Variants in RUBCN observed in about 807,000 individuals in gnomAD.
RUBCN encodes rubicon autophagy regulator, also known as run domain Beclin-1-interacting and cysteine-rich domain-containing protein.
RUBCN carries 74 observed loss-of-function variants against 113.2 expected under a neutral mutation model. The observed-to-expected ratio is 0.65, with a 90% CI of 0.54 to 0.79. The LOEUF is 0.79. Among genes scored for constraint, RUBCN ranks in the 30% least tolerant of loss-of-function variants. RUBCN has a pLI of 0.00. For synonymous variants in RUBCN, 480 were observed against 490.0 expected (o/e 0.98, Z 0.27); for missense variants, 1,109 against 1,251.7 (o/e 0.89, Z 1.72).
rs1260224663 is a variant in RUBCN, at chr3:197,693,715, C to G, written c.1786G>C (p.Asp596His). 1 of 1,603,808 alleles carries G rather than the reference C, an allele frequency of 6.2e-7. No individual in the cohort carries two copies. ...CTTGTAACAAAGTGTCACTTCTTAC[C>G]TTGGATTTCAAATTCATCAACCTCA... ...ADEVDEFEIQ[D>H]ADIRRNTASS... Residue 596 changes from aspartate to histidine, a missense_variant and splice_region_variant, in exon 11 of 20, where the codon GAT becomes CAT. Physicochemically the swap from Asp to His is moderately conservative, Grantham distance 81. Transcript: ENST00000296343.
chr3:197,696,853 C>T, intron 8 of RUBCN, 101 bp downstream of exon 8: 1 of 730,920 alleles, frequency 1.4e-6, no homozygotes, highest in Non-Finnish European at 2.5e-6. Context: ...AGTGTGTACC[C>T]TCCAGAGAGC....
chr3:197,684,229 C>G lies in RUBCN; in HGVS notation c.1787-12G>C, dbSNP rs756265082. The stretch of plus-strand genomic sequence containing the variant: ...TCTGATGTCAGCATCTACATGGAAA[C>G]CAGAGATAAGGGGAGCGCAATGGAA... On this transcript the variant is annotated splice_polypyrimidine_tract_variant and intron_variant, in intron 11 of 19. Transcript: ENST00000296343. 1.2e-6 allele frequency: 2 copies of G among 1,611,988 alleles called. No individual in the cohort carries two copies. The highest frequency in any genetic ancestry group is 4.5e-5 in the East Asian group (2 of 44,858).
upstream of RUBCN, among the ~76,000 whole-genome samples, chr3:197,741,024 A>T (rs1728505603): frequency 6.6e-6 from 1 of 152,238 alleles, no homozygotes; most frequent in Non-Finnish European, 1.5e-5. Flanking sequence ...GTGGCAAAAC[A>T]TTAATTGGCG....
At chr3:197,694,035 G>C (rs1722719424) in intron 10 of RUBCN, 1 of 548,892 alleles carries the variant, frequency 1.8e-6, no homozygotes, top group Non-Finnish European at 3.2e-6. Context: ...TTTGGGAAGG[G>C]AGCTATTCCT....
intron 1 of RUBCN, among the ~76,000 whole-genome samples, chr3:197,730,033 G>A (rs1411365940): frequency 2.0e-5 from 3 of 152,228 alleles, no homozygotes; most frequent in African/African-American, 4.8e-5. Flanking sequence ...CTAGTAGCAG[G>A]GTGAGGCTAT....
rs577370517 is a variant in RUBCN at position 197,683,166 on chromosome 3, T to A, written c.1980+141A>T. On this transcript the variant is annotated intron_variant, in intron 13 of 19. Transcript: ENST00000296343. This position sits in a 1 kb window ranked among gnomAD's most constrained non-coding sequence, Gnocchi z 4.6. ...AAGCATTCACTCGTTCATTTATCACTTGACACATTGTAATGAATGGCTTCC... is the reference window on the plus strand; with the variant it reads ...AAGCATTCACTCGTTCATTTATCACATGACACATTGTAATGAATGGCTTCC... 2 of 1,079,726 alleles carry A rather than the reference T, an allele frequency of 1.9e-6. No homozygotes were observed. The highest frequency in any genetic ancestry group is 2.4e-5 in the East Asian group (1 of 42,286). 66.9% of individuals were successfully genotyped at this position (1,079,726 alleles called of 1,614,324 possible).
Position 197,696,945 on chromosome 3 carries a change from A to C in RUBCN, c.1357+9T>G, listed in dbSNP as rs376822008. 243 of 1,495,214 alleles carry C rather than the reference A, an allele frequency of 1.6e-4. No homozygotes were observed. Among genetic ancestry groups the C allele is most frequent in the Non-Finnish European group, 2.2e-4 (232 of 1,071,646 alleles). 92.6% of individuals were successfully genotyped at this position (1,495,214 alleles called of 1,614,324 possible). On this transcript the variant is annotated intron_variant, in intron 8 of 19. Transcript: ENST00000296343. ...ATACAATTTTAGCCCTGGCCTTCCT[A>C]GTACTCACCATATTCCATGTACAGA... is the stretch of plus-strand genomic sequence containing the variant.
intron 4 of RUBCN, among the ~76,000 whole-genome samples, 177 bp downstream of exon 4, chr3:197,704,365 C>T (rs1350452569): frequency 3.3e-5 from 5 of 151,998 alleles, no homozygotes; most frequent in East Asian, 1.9e-4. Context: ...ACCCAGGAGG[C>T]GGAGGTTGCA....
chr3:197,696,985 G>T lies in RUBCN; in HGVS notation c.1326C>A (p.Val442=), dbSNP rs1001381035. The T allele has an allele frequency of 1.2e-6, 2 of 1,608,512 alleles. No individual in the cohort carries two copies. The highest frequency in any genetic ancestry group is 1.7e-6 in the Non-Finnish European group (2 of 1,174,920). ...PLPYSGQSSE[V]STPSSLYMEY... ...CCATGTACAGAGAGCTGGGTGTGCTGACTTCACTGCTTTGACCAGAGTAGG... is the reference window on the plus strand; with the variant it reads ...CCATGTACAGAGAGCTGGGTGTGCTTACTTCACTGCTTTGACCAGAGTAGG... Residue 442 remains valine, a synonymous_variant, in exon 8 of 20, where the codon GTC becomes GTA. Transcript: ENST00000296343.
At position 197,710,919 on chromosome 3, in the gene RUBCN, G is replaced by A. The variant is rs139766669; in HGVS notation, c.220-5744C>T. Among the ~76,000 whole-genome samples, 960 of 152,020 alleles carry A rather than the reference G, an allele frequency of 6.3e-3. 8 individuals are homozygous for A. Among genetic ancestry groups the A allele is most frequent in the African/African-American group, 0.022 (907 of 41,446 alleles). ...CTGCAAACTCTGCCTCCTGCCTCCT[G>A]GGTTCAAGTGATTCTCCTGCCTCAG... On this transcript the variant is annotated intron_variant, in intron 2 of 19. Transcript: ENST00000296343.
In RUBCN at chr3:197,730,885, CTTTTTTTTTTTT is replaced by C. The variant is rs71166707; in HGVS notation, c.65+5758_65+5769del. 3.7e-3 allele frequency among the ~76,000 whole-genome samples: 183 copies of C among 50,008 alleles called. 2 individuals carry two copies. Among genetic ancestry groups the C allele is most frequent in the South Asian group, 0.023 (27 of 1,172 alleles). 32.8% of individuals were successfully genotyped at this position (50,008 alleles called of 152,430 possible). On this transcript the variant is annotated intron_variant, in intron 1 of 19. Transcript: ENST00000296343. ...TTTTTTTTTCATATTTTAAAAGCATCTTTTTTTTTTTTTTTTTTTTTTTTTTTTTTACAGTTT... is the reference window on the plus strand; with the variant it reads ...TTTTTTTTTCATATTTTAAAAGCATCTTTTTTTTTTTTTTTTTTACAGTTT...
At position 197,700,872 on chromosome 3, in the gene RUBCN, G is replaced by A; in HGVS notation, c.1002C>T (p.Gly334=). The change falls in exon 7 of 20, where the codon GGC becomes GGT. Residue 334 remains glycine (G), a synonymous_variant. Transcript: ENST00000296343. ...TGTGACTCTGACAGCTGGCAGTCCGGCCTCGGGGGTCCAAGTTGCCAATGG... is the reference window on the plus strand; with the variant it reads ...TGTGACTCTGACAGCTGGCAGTCCGACCTCGGGGGTCCAAGTTGCCAATGG... ...YLAIGNLDPR[G]RTASCQSHSS... 1 of 1,614,194 alleles carries A rather than the reference G, an allele frequency of 6.2e-7. No homozygotes were observed. Among genetic ancestry groups the A allele is most frequent in the Non-Finnish European group, 8.5e-7 (1 of 1,180,044 alleles).
chr3:197,703,568 C>T lies in RUBCN; in HGVS notation c.550G>A (p.Ala184Thr), dbSNP rs1723945856. 1 of 1,613,084 alleles carries T rather than the reference C, an allele frequency of 6.2e-7. No homozygotes were observed. Among genetic ancestry groups the T allele is most frequent in the African/African-American group, 1.3e-5 (1 of 74,962 alleles). Residue 184 changes from alanine (A) to threonine (T), a missense_variant, in exon 5 of 20, where the codon GCT becomes ACT. By Grantham distance (58) the Ala-to-Thr change is moderately conservative. Coordinates refer to ENST00000296343, the MANE Select transcript of RUBCN (RefSeq NM_014687.4). ...AVEQNNPRLL[A>T]QIDASMFARK... ...TGTACCATGGACGCATCGATCTGAGCCAGGAGGCGGGGGTTGTTCTGTTCC... is the reference window on the plus strand; with the variant it reads ...TGTACCATGGACGCATCGATCTGAGTCAGGAGGCGGGGGTTGTTCTGTTCC...
chr3:197,719,133 T>C (rs1215064806), intron 1 of RUBCN, among the ~76,000 whole-genome samples: 1 of 152,192 alleles, frequency 6.6e-6, no homozygotes, highest in Non-Finnish European at 1.5e-5. Flanking sequence ...TGACTCTGCA[T>C]ACCTGTGTTC....
At position 197,681,587 on chromosome 3, in the gene RUBCN, G is replaced by A. The variant is rs1172151989; in HGVS notation, c.2192-220C>T. ...GAGGAAATAAAACCAGCTGGAGATA[G>A]TAAGATCCCGCCTTACCAGCTAGCT... On this transcript the variant is annotated intron_variant, in intron 15 of 19. Coordinates refer to ENST00000296343, the MANE Select transcript of RUBCN (RefSeq NM_014687.4). This position sits in a 1 kb window ranked among gnomAD's most constrained non-coding sequence, Gnocchi z 5.5. Among the ~76,000 whole-genome samples, 1 of 152,178 alleles carries A rather than the reference G, an allele frequency of 6.6e-6. No individual in the cohort carries two copies. The highest frequency in any genetic ancestry group is 1.9e-4 in the East Asian group (1 of 5,204).
rs1156960967 is a variant in RUBCN at position 197,681,042 on chromosome 3, G to A, written c.2430+87C>T. The stretch of plus-strand genomic sequence containing the variant: ...GGGGGAGGGGACAAGAGGAGGGGAT[G>A]GGGGGAGGGGACGGGGGAGGGACGA... On this transcript the variant is annotated intron_variant, in intron 16 of 19. Coordinates refer to ENST00000296343, the MANE Select transcript of RUBCN (RefSeq NM_014687.4). This position sits in a 1 kb window ranked among gnomAD's most constrained non-coding sequence, Gnocchi z 5.5. 5 of 688,764 alleles carry A rather than the reference G, an allele frequency of 7.3e-6. No homozygotes were observed. The highest frequency in any genetic ancestry group is 1.3e-5 in the Non-Finnish European group (5 of 386,442). The allele number at this position is 688,764 out of a possible 1,614,324, so 42.7% of individuals were successfully genotyped here.
chr3:197,736,614 C>A, intron 1 of RUBCN, 41 bp downstream of exon 1: 1 of 1,528,180 alleles, frequency 6.5e-7, no homozygotes, highest in Non-Finnish European at 8.8e-7. Flanking sequence ...GGGGCTCCGG[C>A]GCCTGTCGCT....
intron 9 of RUBCN, 42 bp from the exon 10 acceptor site, chr3:197,694,627 A>T: frequency 6.7e-7 from 1 of 1,501,586 alleles, no homozygotes; most frequent in Non-Finnish European, 9.3e-7. Context: ...GGTTAGAAGT[A>T]TTGAATGACA....
At chr3:197,743,956 C>A (rs1728633327) in intron 1 of RUBCN, among the ~76,000 whole-genome samples, 3 of 151,784 alleles carry the variant, frequency 2.0e-5, no homozygotes, top group Admixed American at 6.6e-5. Context: ...TGGACTCCAG[C>A]CTGGGTGACA....
Sources: allele counts gnomAD v4.1 joint callset (sites outside exome capture counted in the v4.1 genomes callset), GRCh38; gene constraint gnomAD v4.1.1; non-coding constraint Gnocchi (gnomAD v3.1); transcripts MANE v1.5; gene names NCBI Gene and HGNC (gene_info 2026-07-23, HGNC 2026-07-21).